The following PCDHGA9 variants were observed in gnomAD, a reference collection of about 807,000 sequenced individuals.
The protein encoded by PCDHGA9 is protocadherin gamma subfamily A, 9.
Under a neutral mutation model 62.5 loss-of-function variants are expected in PCDHGA9, and 37 were observed. That is an observed-to-expected ratio of 0.59 (90% CI 0.46 to 0.78). The LOEUF (loss-of-function observed/expected upper bound fraction) is 0.78. PCDHGA9 is among the 30% of genes least tolerant of loss of function. PCDHGA9 has a pLI of 0.00. For synonymous variants in PCDHGA9, 459 were observed against 484.6 expected, an observed-to-expected ratio of 0.95 and a Z score of 0.69; for missense variants, 1,138 against 1,166.2, an observed-to-expected ratio of 0.98 and a Z score of 0.35.
rs562410567 is a variant in PCDHGA9 at position 141,413,096 on chromosome 5, G to A, written c.2424+7720G>A. On this transcript the variant is annotated intron_variant, in intron 1 of 3. Transcript: ENST00000573521. ...GCCCAGGCTACAGAGACACCCTGAA[G>A]CCACAGAAAGACAAAGGAACCGGTT... 25 of 1,445,574 alleles carry A rather than the reference G, an allele frequency of 1.7e-5. No homozygotes were observed. The African/African-American group carries it at 3.3e-4, about 19-fold the overall frequency. The allele number at this position is 1,445,574 out of a possible 1,614,324, so 89.5% of individuals were successfully genotyped here.
chr5:141,488,634 G>A (rs937680420), intron 1 of PCDHGA9, among the ~76,000 whole-genome samples: 4 of 152,150 alleles, frequency 2.6e-5, no homozygotes, highest in Non-Finnish European at 4.4e-5. Context: ...CACCTTAGCA[G>A]CATTCAGCAG....
chr5:141,453,205 G>A lies in PCDHGA9; in HGVS notation c.2425-41602G>A, dbSNP rs570291941. On this transcript the variant is annotated intron_variant, in intron 1 of 3. Coordinates refer to ENST00000573521, the MANE Select transcript of PCDHGA9 (RefSeq NM_018921.3). ...CACAGCTCACTGCAGCCTCAACCTC[G>A]TGCACTTAAGCGATCCTCCCACCTC... Among the ~76,000 whole-genome samples the A allele has an allele frequency of 1.1e-4, 17 of 151,990 alleles. No individual in the cohort carries two copies. In the East Asian group the frequency reaches 2.5e-3, roughly 22 times the overall value.
In PCDHGA9 at chr5:141,476,352, T is replaced by C. The variant is rs2099389565; in HGVS notation, c.2425-18455T>C. The C allele has an allele frequency of 1.2e-6, 2 of 1,613,826 alleles. No individual in the cohort carries two copies. Among genetic ancestry groups the C allele is most frequent in the African/African-American group, 1.3e-5 (1 of 74,852 alleles). On this transcript the variant is annotated intron_variant, in intron 1 of 3. Transcript: ENST00000573521. The surrounding 1 kb of genome is among the most constrained non-coding windows in gnomAD (Gnocchi z 7.6). ...GGAGCTAGCCGAAGATTCTTTGAGG[T>C]GAACCGGGAGACCGGAGAGATGTTT...
Position 141,485,605 on chromosome 5 carries a change from G to A in PCDHGA9, c.2425-9202G>A. On this transcript the variant is annotated intron_variant, in intron 1 of 3. Transcript: ENST00000573521. This position sits in a 1 kb window ranked among gnomAD's most constrained non-coding sequence, Gnocchi z 5.7. The stretch of plus-strand genomic sequence containing the variant: ...AGCAGCTGGACTTGGAAATTGGGGA[G>A]GCAGCTCCTCCAGGACAGCGTTTCC... 6.2e-7 allele frequency: 1 copy of A among 1,612,448 alleles called. No homozygotes were observed. Among genetic ancestry groups the A allele is most frequent in the Non-Finnish European group, 8.5e-7 (1 of 1,178,750 alleles).
At chr5:141,421,189 C>G in intron 1 of PCDHGA9, 1 of 1,477,674 alleles carries the variant, frequency 6.8e-7, no homozygotes, top group Non-Finnish European at 9.0e-7. Flanking sequence ...CACAACCAAC[C>G]AGCTCGAGAA....
At chr5:141,423,187 C>G in intron 1 of PCDHGA9, 5 of 1,613,640 alleles carry the variant, frequency 3.1e-6, no homozygotes, top group Middle Eastern at 1.6e-4. Context: ...CGGCCAGCCC[C>G]CTCTCTCGGC....
chr5:141,501,964 A>G (rs1374872785), intron 2 of PCDHGA9, among the ~76,000 whole-genome samples: 1 of 151,854 alleles, frequency 6.6e-6, no homozygotes, highest in East Asian at 1.9e-4. Flanking sequence ...TCATCCTCCT[A>G]ACCTCTGGCA....
At chr5:141,479,328 G>C (rs568506786) in intron 1 of PCDHGA9, 3 of 152,536 alleles carry the variant, frequency 2.0e-5, no homozygotes, top group African/African-American at 7.2e-5. Context: ...CAGACTCAGT[G>C]GTGTGCACCT....
At position 141,431,516 on chromosome 5, in the gene PCDHGA9, G is replaced by C. The variant is rs941913367; in HGVS notation, c.2424+26140G>C. 3.1e-6 allele frequency: 5 copies of C among 1,613,954 alleles called. No homozygotes were observed. In the African/African-American group the frequency reaches 6.7e-5, roughly 22 times the overall value. On this transcript the variant is annotated intron_variant, in intron 1 of 3. Coordinates refer to ENST00000573521, the MANE Select transcript of PCDHGA9 (RefSeq NM_018921.3). This position sits in a 1 kb window ranked among gnomAD's most constrained non-coding sequence, Gnocchi z 4.8. ...GCCCGAGTACCGCGCGAGCGTTCCG[G>C]AGAATCTGGCCTTGGGCACGCAGCT... is the stretch of plus-strand genomic sequence containing the variant.
intron 2 of PCDHGA9, among the ~76,000 whole-genome samples, chr5:141,502,905 A>T (rs1364939091): frequency 1.5e-5 from 2 of 131,814 alleles, no homozygotes; most frequent in Non-Finnish European, 3.0e-5. Flanking sequence ...CTCTGTTGCC[A>T]GGCTGGAGTG....
At chr5:141,482,841 G>A (rs1401298303) in intron 1 of PCDHGA9, among the ~76,000 whole-genome samples, 1 of 139,444 alleles carries the variant, frequency 7.2e-6, no homozygotes, top group Non-Finnish European at 1.5e-5. Flanking sequence ...GGAGGCCAAG[G>A]TGGGCAGATC....
chr5:141,494,943 G>A, intron 2 of PCDHGA9, 78 bp downstream of exon 2: 2 of 1,610,326 alleles, frequency 1.2e-6, no homozygotes, highest in Non-Finnish European at 1.7e-6. Flanking sequence ...ATGGGGGAGG[G>A]CCCAGCATTT....
intron 1 of PCDHGA9, among the ~76,000 whole-genome samples, chr5:141,438,340 G>A (rs1348587719): frequency 6.6e-6 from 1 of 151,522 alleles, no homozygotes; most frequent in Non-Finnish European, 1.5e-5. Flanking sequence ...TGTCATATAA[G>A]GATCTACTCT....
rs561451935 is a variant in PCDHGA9 at position 141,423,179 on chromosome 5, G to A, written c.2424+17803G>A. 21 of 1,613,516 alleles carry A rather than the reference G, an allele frequency of 1.3e-5. No individual in the cohort carries two copies. The South Asian group carries it at 2.1e-4, about 16-fold the overall frequency. ...CTCGTGGTGGCCGTCCAGGACCACG[G>A]CCAGCCCCCTCTCTCGGCCACCGTC... On this transcript the variant is annotated intron_variant, in intron 1 of 3. Transcript: ENST00000573521.
At chr5:141,410,776 A>G (rs2095422946) in intron 1 of PCDHGA9, 7 of 919,622 alleles carry the variant, frequency 7.6e-6, no homozygotes, top group South Asian at 4.0e-5. Context: ...AGTTTTCACT[A>G]TGTATTTGGT....
intron 1 of PCDHGA9, chr5:141,410,703 C>G (rs763776263): frequency 1.1e-5 from 16 of 1,467,494 alleles, no homozygotes; most frequent in Non-Finnish European, 9.1e-7. Flanking sequence ...ATTTTCATAT[C>G]TAGAATCATA....
At chr5:141,449,818 A>G (rs1446661913) in intron 1 of PCDHGA9, among the ~76,000 whole-genome samples, 2 of 151,708 alleles carry the variant, frequency 1.3e-5, no homozygotes, top group Non-Finnish European at 2.9e-5. Flanking sequence ...GTATTTCCTA[A>G]CAAGGACATT....
chr5:141,430,957 C>T (rs771551541), intron 1 of PCDHGA9: 42 of 1,611,532 alleles, frequency 2.6e-5, no homozygotes, highest in Middle Eastern at 3.3e-4. Context: ...GAGTCCGCAT[C>T]ATCCCCAGAG....
At chr5:141,507,380 C>G (rs984406173) in intron 3 of PCDHGA9, 1 of 151,954 alleles carries the variant, frequency 6.6e-6, no homozygotes, top group African/African-American at 2.4e-5. Flanking sequence ...CTTTTATTTA[C>G]TAAATCTGGC....
Sources: gnomAD v4.1 joint callset for allele counts (sites outside exome capture counted in the v4.1 genomes callset) on GRCh38, gnomAD v4.1.1 for gene constraint, Gnocchi (gnomAD v3.1) non-coding constraint, MANE v1.5 for transcripts, NCBI Gene and HGNC (gene_info 2026-07-23, HGNC 2026-07-21) for gene names.